The following LYST variants were observed in gnomAD, a reference collection of about 807,000 sequenced individuals.
The protein encoded by LYST is lysosomal-trafficking regulator.
LYST carries 192 observed loss-of-function variants against 413.6 expected under a neutral mutation model. The observed-to-expected ratio is 0.46, with a 90% CI of 0.41 to 0.52. The LOEUF (loss-of-function observed/expected upper bound fraction) is 0.52. LYST is among the 20% of genes least tolerant of loss of function. The pLI is 0.00. For missense variants in LYST, 3,815 were observed against 4,499.9 expected (o/e 0.85, Z 4.35); for synonymous variants, 1,525 against 1,567.3 (o/e 0.97, Z 0.64).
intron 45 of LYST, among the ~76,000 whole-genome samples, chr1:235,702,007 T>C (rs1023772919): frequency 1.3e-5 from 2 of 152,228 alleles, no homozygotes; most frequent in African/African-American, 2.4e-5. Context: ...CACAGATTAC[T>C]GCACTTTGAG....
chr1:235,843,263 A>T (rs1677422571), intron 1 of LYST, among the ~76,000 whole-genome samples: 1 of 152,122 alleles, frequency 6.6e-6, no homozygotes, highest in Admixed American at 6.5e-5. Context: ...TATTAAGTAA[A>T]TATTTTAATA....
chr1:235,684,613 T>C (rs1010809240), intron 48 of LYST, among the ~76,000 whole-genome samples: 3 of 152,204 alleles, frequency 2.0e-5, no homozygotes, highest in African/African-American at 7.2e-5. Flanking sequence ...TCTCTGCTTA[T>C]AACCTTTTTT....
chr1:235,791,362 G>A (rs906712878), intron 12 of LYST, among the ~76,000 whole-genome samples: 3 of 152,016 alleles, frequency 2.0e-5, no homozygotes, highest in African/African-American at 7.2e-5. Flanking sequence ...GCAGCTATAA[G>A]GTTTTATCCT....
intron 28 of LYST, 65 bp downstream of exon 28, chr1:235,751,145 T>A: frequency 6.9e-7 from 1 of 1,442,308 alleles, no homozygotes; most frequent in South Asian, 1.1e-5. Context: ...GTGAATGGCA[T>A]AAGAACATAG....
At chr1:235,747,256 A>G in intron 28 of LYST, 1 of 454,050 alleles carries the variant, frequency 2.2e-6, no homozygotes, top group South Asian at 1.6e-5. Context: ...GGAGAAGGGC[A>G]TCGGAAGTTG....
At chr1:235,873,028 A>G (rs1417599613) in intron 1 of LYST, among the ~76,000 whole-genome samples, 2 of 152,300 alleles carry the variant, frequency 1.3e-5, no homozygotes, top group Non-Finnish European at 2.9e-5. Context: ...TCCACGGCCT[A>G]TCTTGAAGGA....
intron 19 of LYST, among the ~76,000 whole-genome samples, chr1:235,770,984 T>C (rs553483521): frequency 6.6e-6 from 1 of 152,352 alleles, no homozygotes; most frequent in South Asian, 2.1e-4. Flanking sequence ...ATTATCCTAA[T>C]TGACCTTTCA....
rs1215590592 is a variant in LYST, at chr1:235,771,917, G to GTT, written c.5785-1622_5785-1621dup. On this transcript the variant is annotated intron_variant, in intron 19 of 52. Transcript: ENST00000389793. Reference sequence around the variant, plus strand: ...TAGATTAGAAAAGGTTTTTTAGTTTGTTTTTTTTTTTTTTTTTTTTTTTGG... The same window carrying GTT: ...TAGATTAGAAAAGGTTTTTTAGTTTGTTTTTTTTTTTTTTTTTTTTTTTTTGG... Among the ~76,000 whole-genome samples the GTT allele has an allele frequency of 9.9e-3, 719 of 72,602 alleles. 7 individuals are homozygous for GTT. The highest frequency in any genetic ancestry group is 0.028 in the African/African-American group (503 of 18,246). The allele number at this position is 72,602 out of a possible 152,430, so 47.6% of individuals were successfully genotyped here.
rs367699240 is a variant in LYST, at chr1:235,817,215, G to GA, written c.193-4155dup. The stretch of plus-strand genomic sequence containing the variant: ...GGATGGCTATTAAAAATGAAAAAAA[G>GA]AAAAAAAAAACATGCTGGTGAGGTT... On this transcript the variant is annotated intron_variant, in intron 3 of 52. Coordinates refer to ENST00000389793, the MANE Select transcript of LYST (RefSeq NM_000081.4). Among the ~76,000 whole-genome samples, 396 of 146,706 alleles carry GA rather than the reference G, an allele frequency of 2.7e-3. 4 individuals carry two copies. Among genetic ancestry groups the GA allele is most frequent in the African/African-American group, 8.2e-3 (331 of 40,158 alleles).
chr1:235,766,423 T>C (rs1291747699), intron 20 of LYST, 146 bp from the exon 21 acceptor site: 5 of 602,636 alleles, frequency 8.3e-6, no homozygotes, highest in Non-Finnish European at 1.5e-5. Flanking sequence ...CCATAACAAC[T>C]CATTAAATTG....
intron 1 of LYST, among the ~76,000 whole-genome samples, chr1:235,835,974 C>T (rs1481335649): frequency 6.6e-6 from 1 of 152,150 alleles, no homozygotes; most frequent in African/African-American, 2.4e-5. Context: ...ACAAAGAAAA[C>T]TTGCCCCAAC....
At chr1:235,726,503 A>G (rs948017367) in intron 38 of LYST, among the ~76,000 whole-genome samples, 2 of 152,168 alleles carry the variant, frequency 1.3e-5, no homozygotes, top group African/African-American at 4.8e-5. Flanking sequence ...ATACATCTGT[A>G]TGGGTCAAAA....
intron 48 of LYST, among the ~76,000 whole-genome samples, chr1:235,683,053 T>C (rs532197285): frequency 6.6e-6 from 1 of 152,360 alleles, no homozygotes; most frequent in South Asian, 2.1e-4. Context: ...AGTACAGATT[T>C]ATTGACCTAT....
chr1:235,721,142 T>C (rs1446368445), intron 39 of LYST, among the ~76,000 whole-genome samples: 2 of 151,792 alleles, frequency 1.3e-5, no homozygotes, highest in Non-Finnish European at 2.9e-5. Flanking sequence ...ATAAAAACCT[T>C]CTAAGAAAAA....
chr1:235,738,763 C>G, intron 31 of LYST: 1 of 1,233,684 alleles, frequency 8.1e-7, no homozygotes, highest in Non-Finnish European at 1.2e-6. Flanking sequence ...ATTGGACTCT[C>G]TGTGGCAGAT....
chr1:235,878,504 C>T (rs1412725755), intron 1 of LYST, among the ~76,000 whole-genome samples: 1 of 152,208 alleles, frequency 6.6e-6, no homozygotes, highest in Non-Finnish European at 1.5e-5. Flanking sequence ...CGCCCTGCTT[C>T]CGCCATTGTG....
chr1:235,773,795 T>C (rs773985766), intron 19 of LYST, 47 bp downstream of exon 19: 28 of 1,487,932 alleles, frequency 1.9e-5, no homozygotes, highest in East Asian at 1.1e-4. Context: ...TTGTGTTATA[T>C]GCATTTTACC....
At chr1:235,746,849 G>A (rs894812000) in intron 28 of LYST, among the ~76,000 whole-genome samples, 1 of 152,178 alleles carries the variant, frequency 6.6e-6, no homozygotes, top group African/African-American at 2.4e-5. Context: ...TGATAAAATA[G>A]TTTCAAATAC....
rs185714521 is a variant in LYST at position 235,763,658 on chromosome 1, T to C, written c.6122-807A>G. ...TTTTTAAGGAGAGACGAGGTTTCGC[T>C]ATGTTGACCAGGCTGGAGTTGAACT... On this transcript the variant is annotated intron_variant, in intron 21 of 52. Transcript: ENST00000389793. Among the ~76,000 whole-genome samples, 13 of 151,714 alleles carry C rather than the reference T, an allele frequency of 8.6e-5. No homozygotes were observed. The East Asian group carries it at 2.3e-3, about 27-fold the overall frequency.
Sources: gnomAD v4.1 joint callset for allele counts (sites outside exome capture counted in the v4.1 genomes callset) on GRCh38, gnomAD v4.1.1 for gene constraint, MANE v1.5 for transcripts, NCBI Gene and HGNC (gene_info 2026-07-23, HGNC 2026-07-21) for gene names.